The following NEDD9 variants were observed in gnomAD, a reference collection of about 807,000 sequenced individuals.
NEDD9 encodes neural precursor cell expressed, developmentally down-regulated 9.
NEDD9 carries 26 observed loss-of-function variants against 76.6 expected under a neutral mutation model. That is an observed-to-expected ratio of 0.34 (90% CI 0.25 to 0.47). The LOEUF (loss-of-function observed/expected upper bound fraction) is 0.47, where lower values mean the gene tolerates loss of function less well. NEDD9 is among the 20% of genes least tolerant of loss of function. The pLI is 1.00. For synonymous variants in NEDD9, 392 were observed against 414.2 expected (o/e 0.95, Z 0.65); for missense variants, 937 against 1,058.5 (o/e 0.89, Z 1.59).
At chr6:11,204,813 A>G (rs1376662683) in intron 2 of NEDD9, among the ~76,000 whole-genome samples, 1 of 151,964 alleles carries the variant, frequency 6.6e-6, no homozygotes, top group African/African-American at 2.4e-5. Flanking sequence ...CAACATTCTC[A>G]GTGGTACTGG....
chr6:11,189,357 C>G (rs577884144), intron 5 of NEDD9, among the ~76,000 whole-genome samples: 1 of 152,258 alleles, frequency 6.6e-6, no homozygotes, highest in Middle Eastern at 3.4e-3. Flanking sequence ...TATCCAATGT[C>G]CCATACACAG....
Position 11,232,016 on chromosome 6 carries a change from T to G in NEDD9, c.12+488A>C, listed in dbSNP as rs546405473. Among the ~76,000 whole-genome samples, 4 of 152,304 alleles carry G rather than the reference T, an allele frequency of 2.6e-5. No homozygotes were observed. The South Asian group carries it at 8.3e-4, about 32-fold the overall frequency. On this transcript the variant is annotated intron_variant, in intron 1 of 6. Coordinates refer to ENST00000379446, the MANE Select transcript of NEDD9 (RefSeq NM_006403.4). Reference sequence around the variant, plus strand: ...GGCTTTTAATTTCTCCCACCAAAAGTGCATATGGCATACTCCTTCCGAGAC... The same window carrying G: ...GGCTTTTAATTTCTCCCACCAAAAGGGCATATGGCATACTCCTTCCGAGAC...
intron 2 of NEDD9, among the ~76,000 whole-genome samples, chr6:11,324,870 A>G (rs1761888189): frequency 1.3e-5 from 2 of 152,376 alleles, no homozygotes; most frequent in South Asian, 4.1e-4. Context: ...CAGCAGTGGT[A>G]TTCTAAGAAA....
At chr6:11,278,935 G>A (rs1429057277) in intron 3 of NEDD9, among the ~76,000 whole-genome samples, 1 of 151,358 alleles carries the variant, frequency 6.6e-6, no homozygotes, top group Non-Finnish European at 1.5e-5. Context: ...AAAAAAAAAA[G>A]CAGGGGGAAA....
At position 11,213,471 on chromosome 6, in the gene NEDD9, T is replaced by C; in HGVS notation, c.269A>G (p.Lys90Arg). The C allele has an allele frequency of 6.2e-7, 1 of 1,614,134 alleles. No homozygotes were observed. The highest frequency in any genetic ancestry group is 8.5e-7 in the Non-Finnish European group (1 of 1,180,034). ...GLMQQTFGQQKLYQVPNPQAA... is the reference protein window; with the variant it reads ...GLMQQTFGQQRLYQVPNPQAA... ...CTGTGGGTTTGGCACTTGATAGAGC[T>C]TCTGTTGGCCAAAGGTCTGCTGCAT... The change falls in exon 2 of 7, where the codon AAG becomes AGG. Residue 90 changes from lysine to arginine, a missense_variant. By Grantham distance (26) the Lys-to-Arg change is conservative. Coordinates refer to ENST00000379446, the MANE Select transcript of NEDD9 (RefSeq NM_006403.4). This position sits in a 1 kb window ranked among gnomAD's most constrained non-coding sequence, Gnocchi z 5.4.
rs181092275 is a variant in NEDD9 at position 11,303,018 on chromosome 6, A to T, written c.12+2974T>A. The stretch of plus-strand genomic sequence containing the variant: ...ATAGTGTTGGAAGTTCTGGCTAGGG[A>T]AATCAGGTAAGAGAAAGAAATAAAG... On this transcript the variant is annotated intron_variant, in intron 3 of 3. Transcript: ENST00000397378. 2.2e-3 allele frequency among the ~76,000 whole-genome samples: 336 copies of T among 152,228 alleles called. 4 individuals are homozygous for T. Among genetic ancestry groups the T allele is most frequent in the South Asian group, 0.011 (51 of 4,824 alleles).
intron 4 of NEDD9, 100 bp from the exon 5 acceptor site, chr6:11,191,305 G>A (rs1318143328): frequency 1.7e-5 from 20 of 1,198,888 alleles, no homozygotes; most frequent in South Asian, 7.8e-5. Flanking sequence ...TTTTTCGGTC[G>A]CCCTCCCCCG....
At chr6:11,323,557 T>C (rs910849792) in intron 2 of NEDD9, among the ~76,000 whole-genome samples, 3 of 152,224 alleles carry the variant, frequency 2.0e-5, no homozygotes, top group Non-Finnish European at 2.9e-5. Context: ...GCTACTAGCA[T>C]GCAGTGAACA....
At chr6:11,352,347 A>C (rs573016601) in intron 1 of NEDD9, 1 of 151,890 alleles carries the variant, frequency 6.6e-6, no homozygotes, top group Admixed American at 6.6e-5. Flanking sequence ...TCATGATCCA[A>C]CTCAGACATT....
intron 1 of NEDD9, among the ~76,000 whole-genome samples, chr6:11,360,951 G>A (rs910329012): frequency 2.0e-5 from 3 of 152,198 alleles, no homozygotes; most frequent in African/African-American, 4.8e-5. Context: ...TTCTAGAGGT[G>A]AGCCAAAGTA....
At chr6:11,192,875 G>T (rs1215133575) in intron 3 of NEDD9, among the ~76,000 whole-genome samples, 1 of 134,476 alleles carries the variant, frequency 7.4e-6, no homozygotes, top group Non-Finnish European at 1.5e-5. Context: ...AGAGGTTGCA[G>T]TGAGCTGAGA....
intron 1 of NEDD9, among the ~76,000 whole-genome samples, chr6:11,364,209 C>T (rs1242637151): frequency 1.3e-5 from 2 of 152,160 alleles, no homozygotes; most frequent in Non-Finnish European, 2.9e-5. Flanking sequence ...TACTGAGCTT[C>T]CCTAGTAGAC....
At chr6:11,239,547 C>G (rs1042553581) in intron 3 of NEDD9, among the ~76,000 whole-genome samples, 12 of 152,154 alleles carry the variant, frequency 7.9e-5, no homozygotes, top group Non-Finnish European at 1.2e-4. Flanking sequence ...GAATGAAAGT[C>G]TATTATTAGA....
At chr6:11,371,413 C>T (rs1762872417) in intron 1 of NEDD9, among the ~76,000 whole-genome samples, 1 of 152,176 alleles carries the variant, frequency 6.6e-6, no homozygotes, top group Non-Finnish European at 1.5e-5. Context: ...TCAAATCTTC[C>T]ATGCCTCACC....
intron 1 of NEDD9, among the ~76,000 whole-genome samples, chr6:11,354,049 C>T (rs1184492164): frequency 6.6e-6 from 1 of 152,182 alleles, no homozygotes; most frequent in African/African-American, 2.4e-5. Flanking sequence ...CAAGGTATAA[C>T]TTTACCTCTG....
intron 3 of NEDD9, among the ~76,000 whole-genome samples, chr6:11,248,002 T>C (rs72827168): frequency 3.9e-5 from 6 of 151,952 alleles, no homozygotes; most frequent in African/African-American, 1.5e-4. Context: ...AGGCCAGGTA[T>C]ATTATCTTCA....
At chr6:11,358,246 C>CAAAAA (rs35011508) in intron 1 of NEDD9, among the ~76,000 whole-genome samples, 4 of 61,262 alleles carry the variant, frequency 6.5e-5, no homozygotes, top group Non-Finnish European at 8.5e-5. Flanking sequence ...AAGACTCCGT[C>CAAAAA]AAAAAAAAAA....
At chr6:11,250,579 T>A (rs973412313) in intron 3 of NEDD9, among the ~76,000 whole-genome samples, 1 of 152,082 alleles carries the variant, frequency 6.6e-6, no homozygotes, top group Non-Finnish European at 1.5e-5. Context: ...TTTGCCGGCA[T>A]ACCATTCTCT....
chr6:11,188,334 A>C (rs1758029368), intron 5 of NEDD9, 27 bp from the exon 6 acceptor site: 2 of 1,524,708 alleles, frequency 1.3e-6, no homozygotes, highest in African/African-American at 2.7e-5. Context: ...TAAAGAACAT[A>C]TTATGTCATC....
Sources: gnomAD v4.1 joint callset for allele counts (sites outside exome capture counted in the v4.1 genomes callset) on GRCh38, gnomAD v4.1.1 for gene constraint, Gnocchi (gnomAD v3.1) non-coding constraint, MANE v1.5 for transcripts, NCBI Gene and HGNC (gene_info 2026-07-23, HGNC 2026-07-21) for gene names.